TMLHE: variants seen among roughly 807,000 people sequenced by gnomAD.
TMLHE encodes trimethyllysine dioxygenase, mitochondrial.
A neutral mutation model predicts 25.7 loss-of-function variants in TMLHE; 18 were observed. The observed-to-expected ratio is 0.70, with a 90% CI of 0.48 to 1.04. The LOEUF is 1.04. Among genes scored for constraint, TMLHE ranks in the 50% least tolerant of loss-of-function variants. TMLHE has a pLI of 0.00. For missense variants in TMLHE, 236 were observed against 259.0 expected (o/e 0.91, Z 0.61); for synonymous variants, 105 against 97.0 (o/e 1.08, Z -0.49).
At chrX:155,510,125 G>C (rs2067097867) in intron 5 of TMLHE, among the ~76,000 whole-genome samples, 2 of 110,833 alleles carry the variant, frequency 1.8e-5, no homozygotes, top group East Asian at 5.7e-4. Context: ...CTAATGGTTA[G>C]GCAATACTTT....
intron 3 of TMLHE, chrX:155,524,237 G>C (rs1477324798): frequency 1.0e-5 from 3 of 293,897 alleles, no homozygotes; most frequent in Non-Finnish European, 1.8e-5. Context: ...CTGTCTTAGA[G>C]GGAAAGCATT....
Position 155,569,931 on chromosome X carries a change from C to T in TMLHE, c.-1-24654G>A, listed in dbSNP as rs201029246. Among the ~76,000 whole-genome samples the T allele has an allele frequency of 2.7e-4, 15 of 56,202 alleles. 4 individuals are homozygous for T. Among genetic ancestry groups the T allele is most frequent in the African/African-American group, 4.7e-4 (11 of 23,409 alleles). The allele number at this position is 56,202 out of a possible 115,157, so 48.8% of individuals were successfully genotyped here. On this transcript the variant is annotated intron_variant, in intron 1 of 7. Coordinates refer to ENST00000334398, the MANE Select transcript of TMLHE (RefSeq NM_018196.4). Reference sequence around the variant, plus strand: ...GCTAGGAAGAAACTGCATCAACTAACGAGCAAAATAACCAGCTAACATCAT... The same window carrying T: ...GCTAGGAAGAAACTGCATCAACTAATGAGCAAAATAACCAGCTAACATCAT...
intron 2 of TMLHE, among the ~76,000 whole-genome samples, chrX:155,528,251 A>G (rs1272883491): frequency 1.8e-5 from 2 of 110,044 alleles, no homozygotes; most frequent in Non-Finnish European, 3.8e-5. Flanking sequence ...ATAATTTAAA[A>G]TGTGCATATT....
intron 1 of TMLHE, among the ~76,000 whole-genome samples, chrX:155,548,848 T>C (rs2067388888): frequency 9.0e-6 from 1 of 110,644 alleles, no homozygotes; most frequent in South Asian, 3.8e-4. Flanking sequence ...GTCAATCAAT[T>C]CATGAAGAGA....
intron 3 of TMLHE, among the ~76,000 whole-genome samples, chrX:155,514,976 G>C (rs2067142206): frequency 9.0e-6 from 1 of 111,616 alleles, no homozygotes; most frequent in Non-Finnish European, 1.9e-5. Flanking sequence ...CAGAAGGAGT[G>C]AAAGACTATG....
rs2067337690 is a variant in TMLHE at position 155,545,295 on chromosome X, A to G, written c.-1-18T>C. 1 of 1,160,971 alleles carries G rather than the reference A, an allele frequency of 8.6e-7. No individual in the cohort carries two copies. The highest frequency in any genetic ancestry group is 1.2e-6 in the Non-Finnish European group (1 of 869,349). On this transcript the variant is annotated intron_variant, in intron 1 of 7. Coordinates refer to ENST00000334398, the MANE Select transcript of TMLHE (RefSeq NM_018196.4). ...ACCACATCCTAGAAGATTGGATAATAACAAGTTAGTAGTAATATACAACAA... is the reference window on the plus strand; with the variant it reads ...ACCACATCCTAGAAGATTGGATAATGACAAGTTAGTAGTAATATACAACAA...
At chrX:155,547,761 C>T (rs143461389) in intron 1 of TMLHE, among the ~76,000 whole-genome samples, 1,520 of 108,601 alleles carry the variant, frequency 0.014, 17 homozygotes, top group Admixed American at 0.017. Context: ...GGAAATAATC[C>T]ACACAACCCT....
At chrX:155,573,223 C>T (rs1557343421) in intron 1 of TMLHE, among the ~76,000 whole-genome samples, 1 of 58,144 alleles carries the variant, frequency 1.7e-5, no homozygotes, top group African/African-American at 4.1e-5. Flanking sequence ...CCAACAGACA[C>T]ATGAAAAAAT....
At chrX:155,516,011 T>TTTA (rs1206533691) in intron 3 of TMLHE, among the ~76,000 whole-genome samples, 1 of 930 alleles carries the variant, frequency 1.1e-3, no homozygotes, top group African/African-American at 1.4e-3. Flanking sequence ...TGTACTTTTC[T>TTTA]TCTTTTTTTT....
intron 1 of TMLHE, among the ~76,000 whole-genome samples, chrX:155,591,595 G>C (rs2067694195): frequency 9.0e-6 from 1 of 111,242 alleles, no homozygotes; most frequent in Non-Finnish European, 1.9e-5. Context: ...AGAAACCAAG[G>C]GGAAATTTTT....
At chrX:155,555,564 G>A (rs1157922580) in intron 1 of TMLHE, among the ~76,000 whole-genome samples, 12 of 110,663 alleles carry the variant, frequency 1.1e-4, no homozygotes, top group African/African-American at 3.3e-4. Flanking sequence ...TTTAATGATC[G>A]CCATTCTAAC....
In TMLHE at chrX:155,564,085, A is replaced by G. The variant is rs1385606914; in HGVS notation, c.-1-18808T>C. Among the ~76,000 whole-genome samples, 9 of 61,540 alleles carry G rather than the reference A, an allele frequency of 1.5e-4. 1 individual carries two copies. The highest frequency in any genetic ancestry group is 3.2e-4 in the African/African-American group (9 of 27,744). 53.4% of individuals were successfully genotyped at this position (61,540 alleles called of 115,157 possible). ...GGCAAGTAACATAAATAAGTCGAGTATAAGAGACAATGTGTTGTAGAGAGA... is the reference window on the plus strand; with the variant it reads ...GGCAAGTAACATAAATAAGTCGAGTGTAAGAGACAATGTGTTGTAGAGAGA... On this transcript the variant is annotated intron_variant, in intron 1 of 7. Transcript: ENST00000334398.
At chrX:155,577,954 T>A (rs1160714269) in intron 1 of TMLHE, among the ~76,000 whole-genome samples, 9 of 111,327 alleles carry the variant, frequency 8.1e-5, no homozygotes, top group African/African-American at 2.9e-4. Context: ...CTGATAGTGG[T>A]CCCACCCTAT....
At chrX:155,601,789 A>T (rs907715348) in intron 1 of TMLHE, among the ~76,000 whole-genome samples, 1 of 111,099 alleles carries the variant, frequency 9.0e-6, no homozygotes, top group Non-Finnish European at 1.9e-5. Context: ...TAATGGAAAG[A>T]CACACTTTAA....
chrX:155,603,249 G>A (rs782707570), intron 1 of TMLHE, among the ~76,000 whole-genome samples: 2 of 111,209 alleles, frequency 1.8e-5, no homozygotes, highest in African/African-American at 6.5e-5. Context: ...AGGATCGTTT[G>A]AGCCTGGGAG....
Position 155,607,703 on chromosome X carries a change from C to G in TMLHE, c.-2+5089G>C, listed in dbSNP as rs140945509. 3.7e-4 allele frequency among the ~76,000 whole-genome samples: 41 copies of G among 112,141 alleles called. No individual in the cohort carries two copies. The East Asian group carries it at 0.011, about 30-fold the overall frequency. Reference sequence around the variant, plus strand: ...ATCTCCTAGATCATATCAACAACTTCAGCAAAGTTTCAGGCTACCAAATCA... The same window carrying G: ...ATCTCCTAGATCATATCAACAACTTGAGCAAAGTTTCAGGCTACCAAATCA... On this transcript the variant is annotated intron_variant, in intron 1 of 7. Coordinates refer to ENST00000334398, the MANE Select transcript of TMLHE (RefSeq NM_018196.4).
chrX:155,535,373 T>C (rs1158582520), intron 2 of TMLHE, among the ~76,000 whole-genome samples: 1 of 112,246 alleles, frequency 8.9e-6, no homozygotes, highest in East Asian at 2.8e-4. Context: ...TGATTCCTGG[T>C]GAGGACACTC....
At chrX:155,576,451 T>G (rs2067589770) in intron 1 of TMLHE, among the ~76,000 whole-genome samples, 1 of 112,029 alleles carries the variant, frequency 8.9e-6, no homozygotes, top group African/African-American at 3.2e-5. Context: ...ATTTTACAGA[T>G]TCAATGCTAT....
chrX:155,591,600 A>C (rs1162561704), intron 1 of TMLHE, among the ~76,000 whole-genome samples: 1 of 111,525 alleles, frequency 9.0e-6, no homozygotes, highest in Non-Finnish European at 1.9e-5. Context: ...CCAAGGGGAA[A>C]TTTTTTTTGA....
Sources: gnomAD v4.1 joint callset for allele counts (sites outside exome capture counted in the v4.1 genomes callset) on GRCh38, gnomAD v4.1.1 for gene constraint, MANE v1.5 for transcripts, NCBI Gene and HGNC (gene_info 2026-07-23, HGNC 2026-07-21) for gene names.